ZNF318: variants seen among roughly 807,000 people sequenced by gnomAD.
ZNF318 encodes endocrine regulator.
ZNF318 carries 51 observed loss-of-function variants against 124.2 expected under a neutral mutation model. The observed-to-expected ratio is 0.41, with a 90% CI of 0.33 to 0.52. The LOEUF (loss-of-function observed/expected upper bound fraction) is 0.52. Ranked by LOEUF, ZNF318 falls within the 20% of genes least tolerant of loss-of-function variation. The pLI is 0.23. For synonymous variants in ZNF318, 1,090 were observed against 1,040.7 expected (o/e 1.05, Z -0.91); for missense variants, 2,815 against 2,811.2 (o/e 1.00, Z -0.03).
Position 43,357,598 on chromosome 6 carries a change from T to C in ZNF318, c.716A>G (p.His239Arg), listed in dbSNP as rs781750870. The change falls in exon 3 of 10, where the codon CAT becomes CGT. Residue 239 changes from histidine (H) to arginine (R), a missense_variant. Coordinates refer to ENST00000361428, the MANE Select transcript of ZNF318 (RefSeq NM_014345.3). ...TFLHRSDYSP[H>R]ISCHDELLRG... ...CAACAGCTCATCATGACAACTGATA[T>C]GGGGACTATAATCAGATCGATGCAG... 24 of 1,614,032 alleles carry C rather than the reference T, an allele frequency of 1.5e-5. No individual in the cohort carries two copies. The highest frequency in any genetic ancestry group is 8.8e-5 in the South Asian group (8 of 91,080).
intron 2 of ZNF318, among the ~76,000 whole-genome samples, chr6:43,364,896 A>T (rs1212153537): frequency 3.9e-5 from 5 of 129,246 alleles, no homozygotes; most frequent in Non-Finnish European, 6.3e-5. Flanking sequence ...TAAACTAAAA[A>T]ATAACACCAT....
intron 5 of ZNF318, 128 bp from the exon 6 acceptor site, chr6:43,348,753 G>T: frequency 1.8e-6 from 2 of 1,127,110 alleles, no homozygotes; most frequent in Non-Finnish European, 2.5e-6. Flanking sequence ...TCTAAGAGTG[G>T]CTAGGCGTGG....
At position 43,352,388 on chromosome 6, in the gene ZNF318, T is replaced by C. The variant is rs1433489907; in HGVS notation, c.2759A>G (p.His920Arg). 6 of 1,614,130 alleles carry C rather than the reference T, an allele frequency of 3.7e-6. No individual in the cohort carries two copies. The highest frequency in any genetic ancestry group is 5.1e-6 in the Non-Finnish European group (6 of 1,179,964). Reference protein sequence around the residue: ...YYLRTELERLHKQQGEMLRKK... With the variant: ...YYLRTELERLRKQQGEMLRKK... ...AAAGCAGCTGATACCTTGTTGTTTA[T>C]GAAGCCGCTCTAACTCGGTCCTAAG... The change falls in exon 5 of 10, where the codon CAT becomes CGT. Residue 920 changes from histidine (H) to arginine (R), a missense_variant. Physicochemically the swap from His to Arg is conservative, Grantham distance 29. This residue lies in a region of ZNF318 where 1,377 missense variants were observed against 1,353.5 expected (regional missense o/e 1.02). Transcript: ENST00000361428.
rs374524745 is a variant in ZNF318, at chr6:43,355,454, C to T, written c.1880G>A (p.Arg627His). The change falls in exon 4 of 10, where the codon CGC becomes CAC. Residue 627 changes from arginine to histidine, a missense_variant. Arg to His is a conservative substitution (Grantham distance 29). Transcript: ENST00000361428. Reference protein sequence around the residue: ...ERLHGKKPSLRSSADRRSSVD... With the variant: ...ERLHGKKPSLHSSADRRSSVD... ...TGAGGAACGGCGGTCAGCTGAGGAG[C>T]GTAATGATGGCTTCTTGCCATGAAG... is the stretch of plus-strand genomic sequence containing the variant. 1.5e-5 allele frequency: 25 copies of T among 1,614,026 alleles called. No homozygotes were observed. Among genetic ancestry groups the T allele is most frequent in the African/African-American group, 1.1e-4 (8 of 74,904 alleles).
chr6:43,352,521 C>G, intron 4 of ZNF318, 45 bp from the exon 5 acceptor site: 1 of 1,542,862 alleles, frequency 6.5e-7, no homozygotes, highest in Non-Finnish European at 9.0e-7. Context: ...CTCCAACATT[C>G]TCTTTTCTAT....
chr6:43,348,292 AGAT>A (rs1779476704), intron 6 of ZNF318, 29 bp downstream of exon 6: 1 of 1,575,410 alleles, frequency 6.3e-7, no homozygotes, highest in Admixed American at 1.9e-5. Flanking sequence ...GGGAAAAAAA[AGAT>A]GATAGAAATG....
chr6:43,357,009 T>C, intron 3 of ZNF318, 117 bp downstream of exon 3: 2 of 1,242,490 alleles, frequency 1.6e-6, no homozygotes, highest in Non-Finnish European at 2.2e-6. Context: ...TAGCTCACAA[T>C]GTCGGTCCAG....
In ZNF318 at chr6:43,369,488, G is replaced by A; in HGVS notation, c.-123C>T. The A allele has an allele frequency of 1.3e-6, 1 of 783,470 alleles. No individual in the cohort carries two copies. Among genetic ancestry groups the A allele is most frequent in the Non-Finnish European group, 1.6e-6 (1 of 625,940 alleles). 48.5% of individuals were successfully genotyped at this position (783,470 alleles called of 1,614,324 possible). Reference sequence around the variant, plus strand: ...GGCCGCTGCGCGCCGCCTCAGCCGCGGGAGCAGCCCCCTCCCCTCGGCCCC... The same window carrying A: ...GGCCGCTGCGCGCCGCCTCAGCCGCAGGAGCAGCCCCCTCCCCTCGGCCCC... On this transcript the variant is annotated 5_prime_UTR_variant, in exon 1 of 10. Transcript: ENST00000361428.
At chr6:43,344,445 G>A (rs2150750441) in intron 6 of ZNF318, among the ~76,000 whole-genome samples, 1 of 152,266 alleles carries the variant, frequency 6.6e-6, no homozygotes, top group South Asian at 2.1e-4. Flanking sequence ...AAATAAGGTT[G>A]TTAAAAATGG....
Position 43,339,191 on chromosome 6 carries a change from T to A in ZNF318, c.4807A>T (p.Asn1603Tyr). Residue 1603 changes from asparagine (N) to tyrosine (Y), a missense_variant, in exon 10 of 10, where the codon AAC becomes TAC. Physicochemically the swap from Asn to Tyr is moderately radical, Grantham distance 143 (BLOSUM62 -2). Around this residue, in one of 4 missense-constraint regions of ZNF318, gnomAD observed 927 missense variants for 820.6 expected, o/e 1.13. Transcript: ENST00000361428. The surrounding 1 kb of genome is among the most constrained non-coding windows in gnomAD (Gnocchi z 4.2). ...TCTGAACTTTTGGTTCTAGAGAGGT[T>A]GCTATTTTCCCCATTGGCCAATGGA... ...GGPLANGENS[N>Y]LSRTKSSDTS... is the part of the protein sequence containing the mutation. 1 of 1,614,198 alleles carries A rather than the reference T, an allele frequency of 6.2e-7. No homozygotes were observed. Among genetic ancestry groups the A allele is most frequent in the East Asian group, 2.2e-5 (1 of 44,892 alleles).
chr6:43,337,473 A>C lies in ZNF318; in HGVS notation c.6525T>G (p.Phe2175Leu). The change falls in exon 10 of 10, where the codon TTT becomes TTG. Residue 2175 changes from phenylalanine to leucine, a missense_variant. Physicochemically the swap from Phe to Leu is conservative, Grantham distance 22. Coordinates refer to ENST00000361428, the MANE Select transcript of ZNF318 (RefSeq NM_014345.3). ...TTTGAACTCCAGAGGTCCGTGTGAC[A>C]AAGTCAACAAGGTCTGGAAGGCAAG... ...PSPCLPDLVDFVTRTSGVQKD... is the reference protein window; with the variant it reads ...PSPCLPDLVDLVTRTSGVQKD... 1 of 1,614,216 alleles carries C rather than the reference A, an allele frequency of 6.2e-7. No homozygotes were observed.
At chr6:43,348,224 G>T in intron 6 of ZNF318, 100 bp downstream of exon 6, 1 of 1,179,550 alleles carries the variant, frequency 8.5e-7, no homozygotes, top group Non-Finnish European at 1.2e-6. Context: ...ATTAACAAGA[G>T]TAAGAACAGT....
chr6:43,342,312 C>T, intron 7 of ZNF318, 101 bp from the exon 8 acceptor site: 1 of 838,564 alleles, frequency 1.2e-6, no homozygotes, highest in Non-Finnish European at 1.8e-6. Flanking sequence ...GGACCAGAAG[C>T]CCCCAGCTAC....
chr6:43,341,692 A>G (rs1169402983), intron 8 of ZNF318, among the ~76,000 whole-genome samples: 1 of 151,694 alleles, frequency 6.6e-6, no homozygotes, highest in East Asian at 1.9e-4. Flanking sequence ...AAGTTTAAAG[A>G]CAAAGGAAGT....
In ZNF318 at chr6:43,354,966, C is replaced by T. The variant is rs946207889; in HGVS notation, c.2368G>A (p.Ala790Thr). The T allele has an allele frequency of 1.9e-6, 3 of 1,609,436 alleles. No homozygotes were observed. In the African/African-American group the frequency reaches 4.0e-5, roughly 22 times the overall value. Residue 790 changes from alanine to threonine, a missense_variant, in exon 4 of 10, where the codon GCC (alanine) becomes ACC (threonine). Ala to Thr is a moderately conservative substitution (Grantham distance 58, BLOSUM62 0). Transcript: ENST00000361428. ...GPAIPPASFD[A>T]YRHYMAYAAS... ...GCATATGCCATGTAGTGCCTATAGG[C>T]ATCAAAAGAGGCAGGGGGAATGGCA... is the stretch of plus-strand genomic sequence containing the variant.
chr6:43,358,552 G>A (rs979426417), intron 2 of ZNF318, among the ~76,000 whole-genome samples: 10 of 143,504 alleles, frequency 7.0e-5, no homozygotes, highest in South Asian at 2.3e-4. Context: ...ATGAGCCACC[G>A]CGCCCAGCCT....
At position 43,339,952 on chromosome 6, in the gene ZNF318, C is replaced by T. The variant is rs781729918; in HGVS notation, c.4046G>A (p.Arg1349Gln). ...TGTGGATGGAATAGGCAGGTTGGGT[C>T]GGATCTTAGTCTGTGTGGAAGTTGT... The part of the protein sequence containing the change: ...VVTTSTQTKI[R>Q]PNLPIPSTVL... The change falls in exon 10 of 10, where the codon CGA (arginine) becomes CAA (glutamine). Residue 1349 changes from arginine to glutamine, a missense_variant. Around this residue, in one of 4 missense-constraint regions of ZNF318, gnomAD observed 500 missense variants for 605.2 expected, o/e 0.83. Coordinates refer to ENST00000361428, the MANE Select transcript of ZNF318 (RefSeq NM_014345.3). The surrounding 1 kb of genome is among the most constrained non-coding windows in gnomAD (Gnocchi z 4.2). 1.2e-5 allele frequency: 20 copies of T among 1,614,042 alleles called. No individual in the cohort carries two copies. The highest frequency in any genetic ancestry group is 2.2e-5 in the East Asian group (1 of 44,880).
chr6:43,362,656 G>A (rs779802008), intron 2 of ZNF318, among the ~76,000 whole-genome samples: 8 of 149,756 alleles, frequency 5.3e-5, no homozygotes, highest in South Asian at 2.2e-4. Flanking sequence ...ACAGGCATGC[G>A]CCACCACTGG....
rs758425568 is a variant in ZNF318, at chr6:43,338,599, C to A, written c.5399G>T (p.Ser1800Ile). The A allele has an allele frequency of 5.0e-6, 8 of 1,614,036 alleles. No individual in the cohort carries two copies. The highest frequency in any genetic ancestry group is 1.7e-5 in the Admixed American group (1 of 59,994). Residue 1800 changes from serine to isoleucine, a missense_variant, in exon 10 of 10, where the codon AGC (serine) becomes ATC (isoleucine). This residue lies in a region of ZNF318 where 927 missense variants were observed against 820.6 expected (regional missense o/e 1.13). Coordinates refer to ENST00000361428, the MANE Select transcript of ZNF318 (RefSeq NM_014345.3). Reference protein sequence around the residue: ...EGIVDEGVSTSIGPHSIDDSN... With the variant: ...EGIVDEGVSTIIGPHSIDDSN... The stretch of plus-strand genomic sequence containing the variant: ...ATCATCTATGCTGTGGGGTCCAATG[C>A]TGGTACTTACTCCCTCATCAACTAT...
Sources: gnomAD v4.1 joint callset for allele counts (sites outside exome capture counted in the v4.1 genomes callset) on GRCh38, gnomAD v4.1.1 for gene constraint, gnomAD v4.1.1 regional missense constraint, Gnocchi (gnomAD v3.1) non-coding constraint, MANE v1.5 for transcripts, NCBI Gene and HGNC (gene_info 2026-07-23, HGNC 2026-07-21) for gene names.